TASOR2: variants seen among roughly 807,000 people sequenced by gnomAD.
The protein encoded by TASOR2 is transcription activation suppressor family member 2.
Under a neutral mutation model 199.5 loss-of-function variants are expected in TASOR2, and 84 were observed. That is an observed-to-expected ratio of 0.42 (90% confidence interval 0.35 to 0.50). TASOR2 has a LOEUF of 0.50. Among genes scored for constraint, TASOR2 ranks in the 20% least tolerant of loss-of-function variants. The pLI, the probability that TASOR2 is intolerant of heterozygous loss-of-function variation, is 0.02. For synonymous variants in TASOR2, 1,103 were observed against 1,046.6 expected, an observed-to-expected ratio of 1.05 and a Z score of -1.04; for missense variants, 2,796 against 2,835.9, an observed-to-expected ratio of 0.99 and a Z score of 0.32.
chr10:5,744,514 G>A (rs1302175717), intron 14 of TASOR2, among the ~76,000 whole-genome samples: 2 of 152,048 alleles, frequency 1.3e-5, no homozygotes, highest in East Asian at 3.9e-4. Context: ...TGTTGGCCAA[G>A]CTGGTCTATA....
At chr10:5,726,778 G>C in intron 8 of TASOR2, 107 bp from the exon 10 acceptor site, 2 of 946,440 alleles carry the variant, frequency 2.1e-6, no homozygotes, top group South Asian at 3.0e-5. Context: ...AACATTTGCA[G>C]AATTTTTTCT....
intron 10 of TASOR2, among the ~76,000 whole-genome samples, chr10:5,727,439 A>C (rs1181808213): frequency 5.3e-5 from 8 of 152,146 alleles, no homozygotes; most frequent in Admixed American, 5.2e-4. Context: ...TATGTCTCAG[A>C]GTCTTCATAG....
intron 13 of TASOR2, 138 bp from the exon 15 acceptor site, chr10:5,741,955 TACTC>T (rs1836489382): frequency 8.5e-6 from 6 of 704,442 alleles, no homozygotes; most frequent in Non-Finnish European, 1.2e-5. Context: ...ACTACATATT[TACTC>T]ATTCATGTTT....
chr10:5,762,544 T>TCC lies in TASOR2; in HGVS notation c.7190_7191dup (p.Arg2398ProfsTer15), dbSNP rs767425719. ...TTTTTTTTAACAGACAAGCCTACTATCCCCAGAGAAGTCTTTGAAAATAGT... is the reference window on the plus strand; with the variant it reads ...TTTTTTTTAACAGACAAGCCTACTATCCCCCCAGAGAAGTCTTTGAAAATAGT... On this transcript the variant is annotated frameshift_variant, in exon 20 of 21. Transcript: ENST00000328090. LOFTEE classifies it high-confidence loss of function. 1 of 957,706 alleles carries TCC rather than the reference T, an allele frequency of 1.0e-6. No homozygotes were observed. The highest frequency in any genetic ancestry group is 1.9e-5 in the South Asian group (1 of 51,938). The allele number at this position is 957,706 out of a possible 1,614,324, so 59.3% of individuals were successfully genotyped here. A position where few individuals can be genotyped will look rare whatever the true frequency, so the allele number is the denominator to read the frequency against.
At position 5,723,674 on chromosome 10, in the gene TASOR2, C is replaced by T. The variant is rs3793708; in HGVS notation, c.147-3C>T. On this transcript the variant is annotated splice_polypyrimidine_tract_variant and splice_region_variant and intron_variant, in intron 6 of 20. Coordinates refer to ENST00000328090, the Ensembl canonical transcript of TASOR2. ...TGCTTGATACTGTTGTGTTGTTTTT[C>T]AGACCGCAGGAACTAGATTTTAAAT... 49,113 of 1,556,990 alleles carry T rather than the reference C, an allele frequency of 0.032. 6,077 individuals are homozygous for T. In the East Asian group the frequency reaches 0.44, roughly 14 times the overall value.
intron 1 of TASOR2, among the ~76,000 whole-genome samples, chr10:5,696,425 T>C (rs905128631): frequency 1.3e-5 from 2 of 152,198 alleles, no homozygotes; most frequent in Non-Finnish European, 2.9e-5. Context: ...AGCGCCATCA[T>C]AACTCACTAT....
chr10:5,692,510 G>C (rs901270239), intron 1 of TASOR2, among the ~76,000 whole-genome samples: 4 of 152,142 alleles, frequency 2.6e-5, no homozygotes, highest in Non-Finnish European at 5.9e-5. Flanking sequence ...CCTGTGCTCC[G>C]TTCTGACGAC....
intron 18 of TASOR2, chr10:5,761,015 G>A (rs971745043): frequency 3.0e-5 from 9 of 301,396 alleles, no homozygotes; most frequent in African/African-American, 1.1e-4. Context: ...AGGCCCACTC[G>A]AAATTCATGA....
chr10:5,717,991 A>C lies in TASOR2; in HGVS notation c.-100+241A>C, dbSNP rs535052765. Among the ~76,000 whole-genome samples the C allele has an allele frequency of 1.6e-4, 24 of 152,292 alleles. No individual in the cohort carries two copies. The South Asian group carries it at 4.6e-3, about 29-fold the overall frequency. On this transcript the variant is annotated intron_variant, in intron 3 of 20. Transcript: ENST00000328090. ...GTATGCAGGGAAAAATCTTCCTCTC[A>C]CCTGTCAGAGCTACTTTTTAAATAT...
rs913522604 is a variant in TASOR2 at position 5,738,993 on chromosome 10, A to G, written c.1448-625A>G. Among the ~76,000 whole-genome samples, 7 of 152,216 alleles carry G rather than the reference A, an allele frequency of 4.6e-5. No individual in the cohort carries two copies. The highest frequency in any genetic ancestry group is 7.2e-5 in the African/African-American group (3 of 41,452). ...TTTGGTAATGAAAGTAAAATTTTAA[A>G]AGGTAATGGAATTAATTGATGATTC... On this transcript the variant is annotated intron_variant, in intron 12 of 20. Coordinates refer to ENST00000328090, the Ensembl canonical transcript of TASOR2. The surrounding 1 kb of genome is among the most constrained non-coding windows in gnomAD (Gnocchi z 4.7).
chr10:5,736,185 C>G lies in TASOR2; in HGVS notation c.1447+639C>G, dbSNP rs564789667. 9.8e-4 allele frequency among the ~76,000 whole-genome samples: 149 copies of G among 152,176 alleles called. 1 individual carries two copies. The highest frequency in any genetic ancestry group is 3.4e-3 in the African/African-American group (142 of 41,550). On this transcript the variant is annotated intron_variant, in intron 12 of 20. Transcript: ENST00000328090. ...CCTGTAATCCCAGCACTTTGTGAGG[C>G]CGAGGTGGGTGGATCTTGAGGTCAG...
intron 16 of TASOR2, 28 bp downstream of exon 17, chr10:5,756,766 C>T (rs752980630): frequency 5.6e-6 from 9 of 1,605,714 alleles, no homozygotes; most frequent in Admixed American, 3.4e-5. Flanking sequence ...TACAAAGAAA[C>T]GTATTCCAGG....
Position 5,754,536 on chromosome 10 carries a change from C to T in TASOR2, c.6607-2077C>T, listed in dbSNP as rs1160938041. On this transcript the variant is annotated intron_variant, in intron 15 of 20. Coordinates refer to ENST00000328090, the Ensembl canonical transcript of TASOR2. This position sits in a 1 kb window ranked among gnomAD's most constrained non-coding sequence, Gnocchi z 4.3. The stretch of plus-strand genomic sequence containing the variant: ...TCTCGAATAGCTGGGATTACAGGTG[C>T]GTGCCACCATGCCTGGCTAATTTTT... Among the ~76,000 whole-genome samples the T allele has an allele frequency of 1.3e-5, 2 of 151,986 alleles. No homozygotes were observed. The highest frequency in any genetic ancestry group is 2.4e-5 in the African/African-American group (1 of 41,410).
chr10:5,740,046 G>A lies in TASOR2; in HGVS notation c.1876G>A (p.Ala626Thr). The change falls in exon 13 of 21, where the codon GCC becomes ACC. Residue 626 changes from alanine (A) to threonine (T), a missense_variant. Transcript: ENST00000328090. The surrounding 1 kb of genome is among the most constrained non-coding windows in gnomAD (Gnocchi z 5.3). ...AGAAAGCTTGGTTCCTTGTAGTCAGGCCCCTGCTAAAGCCCAGTCAGCACT... is the reference window on the plus strand; with the variant it reads ...AGAAAGCTTGGTTCCTTGTAGTCAGACCCCTGCTAAAGCCCAGTCAGCACT... 6.2e-7 allele frequency: 1 copy of A among 1,614,050 alleles called. No individual in the cohort carries two copies. The highest frequency in any genetic ancestry group is 8.5e-7 in the Non-Finnish European group (1 of 1,180,044).
exon 15 of TASOR2, chr10:5,746,754 C>G (rs1347457335): frequency 1.9e-6 from 3 of 1,614,118 alleles, no homozygotes; most frequent in South Asian, 1.1e-5. Context: ...GGGACATTCC[C>G]TCTCTAGTAG....
chr10:5,763,206 G>A (rs776053816), exon 21 of TASOR2: 1 of 572,958 alleles, frequency 1.7e-6, no homozygotes, highest in Non-Finnish European at 3.0e-6. Flanking sequence ...TGTCACAGTG[G>A]CATTGCAGTT....
At chr10:5,757,800 A>G in intron 17 of TASOR2, 127 bp downstream of exon 18, 1 of 941,454 alleles carries the variant, frequency 1.1e-6, no homozygotes, top group Non-Finnish European at 1.6e-6. Context: ...CTACTGAGGC[A>G]TAATTTCTGC....
At chr10:5,763,051 G>C (rs759850747) in exon 21 of TASOR2, 1 of 1,610,870 alleles carries the variant, frequency 6.2e-7, no homozygotes, top group Admixed American at 1.7e-5. Context: ...CAGCCTGCCT[G>C]GATATGGATG....
At chr10:5,705,569 A>G (rs1348168709) in intron 1 of TASOR2, among the ~76,000 whole-genome samples, 1 of 152,154 alleles carries the variant, frequency 6.6e-6, no homozygotes, top group Non-Finnish European at 1.5e-5. Context: ...TAAATTGGCT[A>G]TATAATTTTT....
Sources: allele counts gnomAD v4.1 joint callset (sites outside exome capture counted in the v4.1 genomes callset), GRCh38; gene constraint gnomAD v4.1.1; non-coding constraint Gnocchi (gnomAD v3.1); transcripts MANE v1.5; gene names NCBI Gene and HGNC (gene_info 2026-07-23, HGNC 2026-07-21).